TRMT11: variants seen among roughly 807,000 people sequenced by gnomAD.
TRMT11 encodes the protein tRNA (guanine(10)-N(2))-methyltransferase TRMT11.
TRMT11 carries 53 observed loss-of-function variants against 62.8 expected under a neutral mutation model. The ratio of observed to expected loss-of-function variants is 0.84; its 90% CI spans 0.68 to 1.06. The LOEUF (loss-of-function observed/expected upper bound fraction) is 1.06. Among genes scored for constraint, TRMT11 ranks in the 50% least tolerant of loss-of-function variants. TRMT11 has a pLI of 0.00. For synonymous variants in TRMT11, 188 were observed against 190.3 expected (o/e 0.99, Z 0.10); for missense variants, 556 against 553.4 (o/e 1.00, Z -0.05).
chr6:126,239,593 G>A, the TRMT11 span, among the ~76,000 whole-genome samples: 4 of 152,206 alleles, frequency 2.6e-5, no homozygotes, highest in East Asian at 1.9e-4. Flanking sequence ...AGTCTGATGG[G>A]CTTCCCTTTG....
intron 2 of TRMT11, 25 bp from the exon 3 acceptor site, chr6:125,995,942 A>G: frequency 6.9e-7 from 1 of 1,450,364 alleles, no homozygotes. Flanking sequence ...CTTAGAATTA[A>G]GTTGCATATT....
chr6:126,245,658 A>T, the TRMT11 span, among the ~76,000 whole-genome samples: 1 of 152,272 alleles, frequency 6.6e-6, no homozygotes, highest in African/African-American at 2.4e-5. Flanking sequence ...AAGTTTGATT[A>T]TAGTAACTGA....
Position 125,996,006 on chromosome 6 carries a change from G to T in TRMT11, c.178G>T (p.Ala60Ser). The change falls in exon 3 of 13, where the codon GCA becomes TCA. Residue 60 changes from alanine (A) to serine (S), a missense_variant. By Grantham distance (99) the Ala-to-Ser change is moderately conservative. Coordinates refer to ENST00000334379, the MANE Select transcript of TRMT11 (RefSeq NM_001031712.3). Reference sequence around the variant, plus strand: ...TCTTAGCATTCCCTCTGAAGATATTGCAAGAAATTTGATGAAACGGACAGT... The same window carrying T: ...TCTTAGCATTCCCTCTGAAGATATTTCAAGAAATTTGATGAAACGGACAGT... ...WILSIPSEDIARNLMKRTVCA... is the reference protein window; with the variant it reads ...WILSIPSEDISRNLMKRTVCA... 1 of 1,612,512 alleles carries T rather than the reference G, an allele frequency of 6.2e-7. No homozygotes were observed. The highest frequency in any genetic ancestry group is 1.7e-5 in the Admixed American group (1 of 59,978).
At chr6:126,213,174 T>TA in the TRMT11 span, among the ~76,000 whole-genome samples, 1 of 152,074 alleles carries the variant, frequency 6.6e-6, no homozygotes, top group Non-Finnish European at 1.5e-5. Context: ...TTAATATGGC[T>TA]CTGTAGTATA....
At chr6:126,112,806 CTG>C (rs1314439655) in intron 17 of TRMT11, among the ~76,000 whole-genome samples, 3 of 151,934 alleles carry the variant, frequency 2.0e-5, no homozygotes, top group Non-Finnish European at 4.4e-5. Context: ...CAGTCATTGA[CTG>C]TTACTGAGAT....
chr6:126,151,069 C>T (rs1025149295), intron 21 of TRMT11, among the ~76,000 whole-genome samples: 1 of 152,146 alleles, frequency 6.6e-6, no homozygotes, highest in African/African-American at 2.4e-5. Context: ...TTCTCATTTT[C>T]TACCTGTTAA....
chr6:125,995,426 T>A (rs2128750408), intron 2 of TRMT11, among the ~76,000 whole-genome samples: 1 of 152,318 alleles, frequency 6.6e-6, no homozygotes, highest in African/African-American at 2.4e-5. Flanking sequence ...AAAACACCCC[T>A]GATGCACTTG....
chr6:126,064,960 A>G (rs1245357423), intron 17 of TRMT11, among the ~76,000 whole-genome samples: 1 of 152,220 alleles, frequency 6.6e-6, no homozygotes, highest in East Asian at 1.9e-4. Context: ...ATACTAGAAC[A>G]GAAACTGCTT....
chr6:126,205,257 C>A (rs1421723217), downstream of TRMT11, among the ~76,000 whole-genome samples: 1 of 152,188 alleles, frequency 6.6e-6, no homozygotes, highest in Non-Finnish European at 1.5e-5. Context: ...GTAATCCCAG[C>A]ACTTTGGGAG....
At chr6:126,074,400 A>C (rs1162377761) in intron 17 of TRMT11, among the ~76,000 whole-genome samples, 1 of 152,148 alleles carries the variant, frequency 6.6e-6, no homozygotes, top group African/African-American at 2.4e-5. Context: ...TTGTTGAATA[A>C]ATAAGTTATA....
chr6:126,260,172 T>A, the TRMT11 span, among the ~76,000 whole-genome samples: 1 of 152,208 alleles, frequency 6.6e-6, no homozygotes, highest in Non-Finnish European at 1.5e-5. Context: ...CCTTTGTGGT[T>A]TGGTGTGAAG....
At chr6:126,225,983 G>A in the TRMT11 span, among the ~76,000 whole-genome samples, 9 of 151,702 alleles carry the variant, frequency 5.9e-5, no homozygotes, top group South Asian at 2.1e-4. Context: ...TGAGTACCGC[G>A]CCTGGCCTAT....
chr6:126,266,896 GA>G, the TRMT11 span, among the ~76,000 whole-genome samples: 4 of 152,092 alleles, frequency 2.6e-5, no homozygotes, highest in Non-Finnish European at 5.9e-5. Flanking sequence ...AAACATTATA[GA>G]ATTTCCTCAT....
Position 125,998,261 on chromosome 6 carries a change from G to A in TRMT11, c.333G>A (p.Lys111=). ...ATTCGGACTCTACATATAAAATAAA[G>A]ATTCACACTTTTAATAAGACATTGA... ...FLHSDSTYKI[K]IHTFNKTLTQ... Residue 111 remains lysine (K), a synonymous_variant, in exon 5 of 13, where the codon AAG becomes AAA. Transcript: ENST00000334379. 2 of 1,602,776 alleles carry A rather than the reference G, an allele frequency of 1.2e-6. No individual in the cohort carries two copies. The highest frequency in any genetic ancestry group is 1.7e-6 in the Non-Finnish European group (2 of 1,170,636).
intron 1 of TRMT11, among the ~76,000 whole-genome samples, chr6:126,181,874 T>G (rs1369109010): frequency 2.0e-5 from 3 of 152,182 alleles, no homozygotes; most frequent in Non-Finnish European, 2.9e-5. Flanking sequence ...TTCTATTATT[T>G]TAATGGCTTT....
intron 21 of TRMT11, among the ~76,000 whole-genome samples, chr6:126,151,556 T>C (rs967695289): frequency 1.3e-5 from 2 of 152,192 alleles, no homozygotes; most frequent in African/African-American, 4.8e-5. Flanking sequence ...CAAGGAACGA[T>C]TGTTAACTTA....
At chr6:126,170,539 G>A (rs1049063467) in intron 21 of TRMT11, among the ~76,000 whole-genome samples, 2 of 152,066 alleles carry the variant, frequency 1.3e-5, no homozygotes, top group African/African-American at 4.8e-5. Context: ...GGAAGCCACA[G>A]TCTCTGTCTG....
At chr6:126,197,450 A>G (rs1206123078) in intron 1 of TRMT11, among the ~76,000 whole-genome samples, 4 of 152,234 alleles carry the variant, frequency 2.6e-5, no homozygotes, top group African/African-American at 9.6e-5. Context: ...TTAATCATAT[A>G]ATAGGAACAT....
chr6:126,041,249 G>A (rs1165346444), downstream of TRMT11, among the ~76,000 whole-genome samples: 5 of 152,062 alleles, frequency 3.3e-5, no homozygotes, highest in African/African-American at 4.8e-5. Flanking sequence ...TTAACATCAC[G>A]GGAGGCATTG....
Sources: allele counts gnomAD v4.1 joint callset (sites outside exome capture counted in the v4.1 genomes callset), GRCh38; gene constraint gnomAD v4.1.1; transcripts MANE v1.5; gene names NCBI Gene and HGNC (gene_info 2026-07-23, HGNC 2026-07-21).